Variants in ROBO2 observed in about 807,000 individuals in gnomAD.
The protein encoded by ROBO2 is roundabout homolog 2.
Under a neutral mutation model 160.8 loss-of-function variants are expected in ROBO2, and 53 were observed. The observed-to-expected ratio is 0.33, with a 90% CI of 0.26 to 0.41. The LOEUF is 0.41. Ranked by LOEUF, ROBO2 falls within the 10% of genes least tolerant of loss-of-function variation. The pLI is 1.00. For synonymous variants in ROBO2, 664 were observed against 611.7 expected (o/e 1.09, Z -1.26); for missense variants, 1,577 against 1,722.4 (o/e 0.92, Z 1.49).
At position 76,789,527 on chromosome 3, in the gene ROBO2, A is replaced by G. The variant is rs540765597; in HGVS notation, c.110-308487A>G. On this transcript the variant is annotated intron_variant, in intron 2 of 26. Coordinates refer to the ROBO2 transcript ENST00000487694. ...GTCTGATTGCCTTCCTTAACCTTCA[A>G]TTCAGTTCTGTTCCCCTTCCTATTG... Among the ~76,000 whole-genome samples, 6 of 151,614 alleles carry G rather than the reference A, an allele frequency of 4.0e-5. No homozygotes were observed. In the South Asian group the frequency reaches 6.2e-4, roughly 16 times the overall value.
intron 2 of ROBO2, among the ~76,000 whole-genome samples, chr3:76,225,602 C>A (rs1267255331): frequency 6.6e-6 from 1 of 152,096 alleles, no homozygotes; most frequent in Non-Finnish European, 1.5e-5. Flanking sequence ...GTAATCCCAG[C>A]TACTCGAGAG....
At chr3:75,956,742 T>C (rs1319308207) in intron 2 of ROBO2, among the ~76,000 whole-genome samples, 1 of 151,766 alleles carries the variant, frequency 6.6e-6, no homozygotes, top group Non-Finnish European at 1.5e-5. Context: ...GGTTCTTTTA[T>C]TTGTTCAATG....
intron 2 of ROBO2, among the ~76,000 whole-genome samples, chr3:76,254,358 G>T (rs2107566626): frequency 6.6e-6 from 1 of 152,098 alleles, no homozygotes; most frequent in African/African-American, 2.4e-5. Context: ...GGCAGCAAAA[G>T]CTATTTGATT....
chr3:77,603,523 T>C (rs1000739494), intron 20 of ROBO2, among the ~76,000 whole-genome samples: 5 of 152,208 alleles, frequency 3.3e-5, no homozygotes, highest in Admixed American at 3.3e-4. Context: ...AATGATATTC[T>C]ACTGCACTAT....
At chr3:76,631,818 A>G (rs1017686456) in intron 2 of ROBO2, among the ~76,000 whole-genome samples, 1 of 152,180 alleles carries the variant, frequency 6.6e-6, no homozygotes, top group Non-Finnish European at 1.5e-5. Flanking sequence ...GTAGATAAGT[A>G]ACTTTAAGTA....
chr3:76,739,280 G>C (rs375429630), intron 2 of ROBO2, among the ~76,000 whole-genome samples: 1,708 of 152,172 alleles, frequency 0.011, 25 homozygotes, highest in South Asian at 0.053. Context: ...CACATTTACA[G>C]CATGGAATAC....
chr3:76,174,568 G>C (rs2073159584), intron 2 of ROBO2, among the ~76,000 whole-genome samples: 1 of 152,096 alleles, frequency 6.6e-6, no homozygotes, highest in Non-Finnish European at 1.5e-5. Context: ...TCCAGTTTCT[G>C]TTATCTGCAT....
intron 2 of ROBO2, among the ~76,000 whole-genome samples, chr3:76,127,638 T>C (rs2071043025): frequency 1.3e-5 from 2 of 151,774 alleles, no homozygotes; most frequent in Admixed American, 1.3e-4. Flanking sequence ...GACAGTAAAT[T>C]GCAATCAGCA....
intron 2 of ROBO2, among the ~76,000 whole-genome samples, chr3:76,476,977 T>C (rs1034033830): frequency 6.6e-6 from 1 of 152,202 alleles, no homozygotes; most frequent in African/African-American, 2.4e-5. Flanking sequence ...ACGTGGACTT[T>C]ACTGTCAGGC....
intron 2 of ROBO2, among the ~76,000 whole-genome samples, chr3:76,679,993 G>C (rs1227324189): frequency 1.3e-5 from 2 of 152,064 alleles, no homozygotes; most frequent in Non-Finnish European, 2.9e-5. Context: ...TTAAGCTCTT[G>C]TCAACAGAAG....
chr3:77,577,718 A>G (rs1404808822), intron 15 of ROBO2, 104 bp downstream of exon 16: 2 of 1,356,384 alleles, frequency 1.5e-6, no homozygotes, highest in African/African-American at 2.9e-5. Flanking sequence ...TATTCAGTTT[A>G]AGTGTAAAGT....
chr3:77,353,323 A>C (rs1489765871), intron 2 of ROBO2, among the ~76,000 whole-genome samples: 2 of 152,198 alleles, frequency 1.3e-5, no homozygotes, highest in Non-Finnish European at 2.9e-5. Context: ...AAGGTGAATT[A>C]TATCACCGTT....
At chr3:76,654,318 A>G (rs1423974235) in intron 2 of ROBO2, among the ~76,000 whole-genome samples, 1 of 152,196 alleles carries the variant, frequency 6.6e-6, no homozygotes, top group Non-Finnish European at 1.5e-5. Flanking sequence ...GGCAGAGTAT[A>G]AAAGAAGTGT....
At chr3:76,076,681 G>A (rs990332715) in intron 2 of ROBO2, among the ~76,000 whole-genome samples, 5 of 152,136 alleles carry the variant, frequency 3.3e-5, no homozygotes, top group African/African-American at 1.2e-4. Context: ...GAAACATTGT[G>A]TTTCAGAAGC....
intron 2 of ROBO2, among the ~76,000 whole-genome samples, chr3:76,952,975 G>T (rs576788019): frequency 6.6e-6 from 1 of 152,068 alleles, no homozygotes; most frequent in Non-Finnish European, 1.5e-5. Flanking sequence ...TCATGACAAA[G>T]CCTTTAGAAA....
intron 24 of ROBO2, among the ~76,000 whole-genome samples, chr3:77,643,492 A>C (rs1374563781): frequency 6.6e-6 from 1 of 152,198 alleles, no homozygotes; most frequent in African/African-American, 2.4e-5. Flanking sequence ...GTCTATGGGA[A>C]ATGCTCTTTT....
intron 2 of ROBO2, among the ~76,000 whole-genome samples, chr3:76,212,566 G>T (rs1026669132): frequency 1.3e-5 from 2 of 151,818 alleles, no homozygotes; most frequent in African/African-American, 2.4e-5. Flanking sequence ...GTTTCTAAAT[G>T]CTAGAATAAA....
At chr3:76,315,410 T>C (rs996292987) in intron 2 of ROBO2, among the ~76,000 whole-genome samples, 5 of 152,216 alleles carry the variant, frequency 3.3e-5, no homozygotes, top group African/African-American at 1.2e-4. Context: ...ATCTTCTCCC[T>C]CTTTAGGAAG....
intron 2 of ROBO2, among the ~76,000 whole-genome samples, chr3:77,302,048 G>A (rs765859230): frequency 1.3e-5 from 2 of 151,672 alleles, no homozygotes; most frequent in African/African-American, 2.4e-5. Flanking sequence ...GACTACTGGT[G>A]TGCATCACCA....
Sources: gnomAD v4.1 joint callset for allele counts (sites outside exome capture counted in the v4.1 genomes callset) on GRCh38, gnomAD v4.1.1 for gene constraint, MANE v1.5 for transcripts, NCBI Gene and HGNC (gene_info 2026-07-23, HGNC 2026-07-21) for gene names.